Variants in ZP4 observed in about 807,000 individuals in gnomAD.
The protein encoded by ZP4 is zona pellucida sperm-binding protein 4.
Under a neutral mutation model 62.3 loss-of-function variants are expected in ZP4, and 62 were observed. That is an observed-to-expected ratio of 0.99 (90% confidence interval 0.81 to 1.23). The LOEUF is 1.23. Ranked by LOEUF, ZP4 falls within the 50% of genes most tolerant of loss-of-function variation. The pLI, the probability that ZP4 is intolerant of heterozygous loss-of-function variation, is 0.00. For missense variants in ZP4, 774 were observed against 656.0 expected (o/e 1.18, Z -1.97); for synonymous variants, 289 against 247.3 (o/e 1.17, Z -1.58).
chr1:237,884,738 A>G, intron 10 of ZP4, 31 bp downstream of exon 10: 1 of 1,600,274 alleles, frequency 6.2e-7, no homozygotes, highest in Non-Finnish European at 8.5e-7. Flanking sequence ...AGATTCATTC[A>G]AATCTGTCCT....
chr1:237,883,720 AGGGCGG>A (rs1343911858), intron 10 of ZP4, among the ~76,000 whole-genome samples: 33 of 22,526 alleles, frequency 1.5e-3, no homozygotes, highest in African/African-American at 4.8e-3. Context: ...AGGGCGGGGG[AGGGCGG>A]GGGAGGGAGA....
At chr1:237,883,967 A>AACACACACAC (rs201363836) in intron 10 of ZP4, among the ~76,000 whole-genome samples, 26 of 86,528 alleles carry the variant, frequency 3.0e-4, no homozygotes, top group Non-Finnish European at 4.0e-4. Flanking sequence ...CACACACACA[A>AACACACACAC]ACACACACAC....
Position 237,882,500 on chromosome 1 carries a change from G to T in ZP4, c.1545C>A (p.Thr515=), listed in dbSNP as rs763251496. 1.1e-5 allele frequency: 17 copies of T among 1,608,468 alleles called. No individual in the cohort carries two copies. The highest frequency in any genetic ancestry group is 2.2e-5 in the East Asian group (1 of 44,838). ...ATACTAACAAGGCTCCAAGGATTAA[G>T]GTCCCAGAAAGGCCTGCCACCCACA... The part of the protein sequence containing the change: ...KVLWVAGLSG[T]LILGALLVSY... Residue 515 remains threonine, a synonymous_variant, in exon 12 of 12, where the codon ACC becomes ACA. Transcript: ENST00000366570.
rs188986515 is a variant in ZP4, at chr1:237,884,321, C to A, written c.1390+448G>T. On this transcript the variant is annotated intron_variant, in intron 10 of 11. Transcript: ENST00000366570. ...AGAGGCTAGGCAAGTACAGGTAGAA[C>A]CCATGTAGACATACAGACACATTGA... is the stretch of plus-strand genomic sequence containing the variant. 4.8e-3 allele frequency among the ~76,000 whole-genome samples: 732 copies of A among 152,242 alleles called. 4 individuals carry two copies. Among genetic ancestry groups the A allele is most frequent in the Non-Finnish European group, 7.7e-3 (524 of 68,030 alleles).
intron 6 of ZP4, 144 bp downstream of exon 6, chr1:237,886,627 C>G: frequency 6.4e-6 from 4 of 628,844 alleles, no homozygotes; most frequent in Non-Finnish European, 1.1e-5. Context: ...TGGACCTAAT[C>G]AAGTAATGGG....
intron 6 of ZP4, 129 bp from the exon 7 acceptor site, chr1:237,886,015 C>T (rs973425066): frequency 2.3e-6 from 3 of 1,291,736 alleles, no homozygotes; most frequent in African/African-American, 2.9e-5. Flanking sequence ...GTGGTTCCTG[C>T]CCTGCTGGGA....
At chr1:237,885,049 G>A (rs987672524) in intron 9 of ZP4, 116 bp downstream of exon 9, 3 of 1,440,852 alleles carry the variant, frequency 2.1e-6, no homozygotes, top group African/African-American at 1.4e-5. Context: ...CTCTGAGTCA[G>A]TACCAATAGC....
rs1457108266 is a variant in ZP4 at position 237,890,706 on chromosome 1, C to T, written c.-71G>A. ...TCCCAAGAGCCGAGGGTCTGCCTGC[C>T]CAGATTCCTTTATATACAGAAGTCA... On this transcript the variant is annotated 5_prime_UTR_variant, in exon 1 of 12. Coordinates refer to ENST00000366570, the MANE Select transcript of ZP4 (RefSeq NM_021186.5). The T allele has an allele frequency of 1.3e-6, 2 of 1,527,500 alleles. No homozygotes were observed. Among genetic ancestry groups the T allele is most frequent in the Non-Finnish European group, 1.8e-6 (2 of 1,134,060 alleles). The allele number at this position is 1,527,500 out of a possible 1,614,324, so 94.6% of individuals were successfully genotyped here.
intron 3 of ZP4, 108 bp downstream of exon 3, chr1:237,889,759 T>G (rs1665192814): frequency 1.0e-6 from 1 of 953,350 alleles, no homozygotes; most frequent in African/African-American, 1.6e-5. Context: ...GATCCTTCCT[T>G]CATTAGTGTC....
chr1:237,888,691 G>A (rs1302679124), intron 3 of ZP4, among the ~76,000 whole-genome samples, 181 bp from the exon 4 acceptor site: 1 of 152,190 alleles, frequency 6.6e-6, no homozygotes, highest in Non-Finnish European at 1.5e-5. Context: ...TTGGGAGGTT[G>A]TCAACATTAA....
rs774019117 is a variant in ZP4, at chr1:237,888,480, T to C, written c.431A>G (p.Asp144Gly). The C allele has an allele frequency of 6.2e-7, 1 of 1,608,180 alleles. No individual in the cohort carries two copies. Among genetic ancestry groups the C allele is most frequent in the Non-Finnish European group, 8.5e-7 (1 of 1,175,876 alleles). ...ARDAPDTDWC[D>G]SIPARDRLPC... ...CAGTCTGTCCCGTGCTGGGATGGAGTCACACCAGTCAGTATCTGGAGCATC... is the reference window on the plus strand; with the variant it reads ...CAGTCTGTCCCGTGCTGGGATGGAGCCACACCAGTCAGTATCTGGAGCATC... The change falls in exon 4 of 12, where the codon GAC becomes GGC. Residue 144 changes from aspartate to glycine, a missense_variant. Asp to Gly is a moderately conservative substitution (Grantham distance 94). Transcript: ENST00000366570.
chr1:237,883,812 AG>A (rs1665000949), intron 10 of ZP4, among the ~76,000 whole-genome samples: 1 of 99,596 alleles, frequency 1.0e-5, no homozygotes, highest in South Asian at 3.7e-4. Flanking sequence ...GAAGAGAGGG[AG>A]AAAGGCTGGG....
chr1:237,885,941 A>G, intron 6 of ZP4, 55 bp from the exon 7 acceptor site: 1 of 1,605,278 alleles, frequency 6.2e-7, no homozygotes, highest in East Asian at 2.2e-5. Context: ...TGTCAGTTAC[A>G]CATCCTTTCT....
In ZP4 at chr1:237,890,190, G is replaced by T. The variant is rs376369549; in HGVS notation, c.176-14C>A. 1 of 1,613,568 alleles carries T rather than the reference G, an allele frequency of 6.2e-7. No homozygotes were observed. The highest frequency in any genetic ancestry group is 2.2e-5 in the East Asian group (1 of 44,856). On this transcript the variant is annotated splice_polypyrimidine_tract_variant and intron_variant, in intron 1 of 11. Coordinates refer to ENST00000366570, the MANE Select transcript of ZP4 (RefSeq NM_021186.5). ...GCCCTTGGTTGTCTGGAGGGGTGGG[G>T]AAGAGGTGAGAAAACACAGCGGTCA...
At chr1:237,889,834 C>T (rs1665195107) in intron 3 of ZP4, 33 bp downstream of exon 3, 1 of 1,542,524 alleles carries the variant, frequency 6.5e-7, no homozygotes, top group East Asian at 2.2e-5. Flanking sequence ...CCCCCACCAC[C>T]CCCACAAGAC....
intron 3 of ZP4, among the ~76,000 whole-genome samples, chr1:237,889,245 T>A (rs1483308650): frequency 6.6e-6 from 1 of 152,180 alleles, no homozygotes; most frequent in Admixed American, 6.5e-5. Context: ...GGGAGAGTTC[T>A]TTGAATCCCA....
intron 3 of ZP4, among the ~76,000 whole-genome samples, chr1:237,889,043 G>A (rs938332865): frequency 1.3e-5 from 2 of 152,286 alleles, no homozygotes; most frequent in South Asian, 2.1e-4. Context: ...ACTTTCTAAA[G>A]TTGAGTAGGC....
At chr1:237,883,967 A>AACAC (rs201363836) in intron 10 of ZP4, among the ~76,000 whole-genome samples, 49 of 86,500 alleles carry the variant, frequency 5.7e-4, no homozygotes, top group Non-Finnish European at 2.5e-4. Flanking sequence ...CACACACACA[A>AACAC]ACACACACAC....
chr1:237,884,710 G>T lies in ZP4; in HGVS notation c.1390+59C>A, dbSNP rs183989595. On this transcript the variant is annotated intron_variant, in intron 10 of 11. Transcript: ENST00000366570. Reference sequence around the variant, plus strand: ...AGTTGTTTGGCCAGAGACTAGGAAAGGTTAGACATGGGACTCAAGATTCAT... The same window carrying T: ...AGTTGTTTGGCCAGAGACTAGGAAATGTTAGACATGGGACTCAAGATTCAT... 87 of 1,504,694 alleles carry T rather than the reference G, an allele frequency of 5.8e-5. No homozygotes were observed. In the African/African-American group the frequency reaches 9.7e-4, roughly 17 times the overall value. The allele number at this position is 1,504,694 out of a possible 1,614,324, so 93.2% of individuals were successfully genotyped here.
Sources: allele counts gnomAD v4.1 joint callset (sites outside exome capture counted in the v4.1 genomes callset), GRCh38; gene constraint gnomAD v4.1.1; transcripts MANE v1.5; gene names NCBI Gene and HGNC (gene_info 2026-07-23, HGNC 2026-07-21).